The following SERINC5 variants were observed in gnomAD, a reference collection of about 807,000 sequenced individuals.
The protein encoded by SERINC5 is serine incorporator 5, also known as chromosome 5 open reading frame 12.
Under a neutral mutation model 63.1 loss-of-function variants are expected in SERINC5, and 41 were observed. That is an observed-to-expected ratio of 0.65 (90% CI 0.51 to 0.84). SERINC5 has a LOEUF of 0.84. Ranked by LOEUF, SERINC5 falls within the 40% of genes least tolerant of loss-of-function variation. SERINC5 has a pLI of 0.00. For synonymous variants in SERINC5, 222 were observed against 215.2 expected, an observed-to-expected ratio of 1.03 and a Z score of -0.28; for missense variants, 523 against 573.0, an observed-to-expected ratio of 0.91 and a Z score of 0.89.
At chr5:80,174,907 G>T in intron 5 of SERINC5, 47 bp downstream of exon 5, 1 of 1,365,216 alleles carries the variant, frequency 7.3e-7, no homozygotes, top group Non-Finnish European at 1.0e-6. Flanking sequence ...GGTCAAAACT[G>T]GGCAGTTTCT....
chr5:80,211,923 TG>T lies in SERINC5; in HGVS notation c.28-8871del, dbSNP rs1374280403. On this transcript the variant is annotated intron_variant, in intron 1 of 11. Transcript: ENST00000507668. Reference sequence around the variant, plus strand: ...TCTGTCACAAGAATGATCCCAAATGTGGGTCACAGTTTTTAGCTTCAGTGCT... The same window carrying T: ...TCTGTCACAAGAATGATCCCAAATGTGGTCACAGTTTTTAGCTTCAGTGCT... Among the ~76,000 whole-genome samples, 17 of 152,344 alleles carry T rather than the reference TG, an allele frequency of 1.1e-4. 1 individual carries two copies. The East Asian group carries it at 1.4e-3, about 12-fold the overall frequency.
rs1033911311 is a variant in SERINC5 at position 80,143,228 on chromosome 5, G to A, written c.*435C>T. The A allele has an allele frequency of 1.3e-5, 13 of 990,324 alleles. No individual in the cohort carries two copies. In the Admixed American group the frequency reaches 2.4e-4, roughly 18 times the overall value. 61.3% of individuals were successfully genotyped at this position (990,324 alleles called of 1,614,324 possible). A position where few individuals can be genotyped will look rare whatever the true frequency, so the allele number is the denominator to read the frequency against. ...CCCTGGGGACAAGGCTCTAAGAGGC[G>A]GAAGTGAGTGAGAGGGGTCTGGATT... is the stretch of plus-strand genomic sequence containing the variant. On this transcript the variant is annotated 3_prime_UTR_variant, in exon 12 of 12. Coordinates refer to ENST00000507668, the MANE Select transcript of SERINC5 (RefSeq NM_001174072.3).
chr5:80,169,209 C>T lies in SERINC5; in HGVS notation c.763+126G>A, dbSNP rs1747489622. ...AGCCCCACCTTGCCTACTGCTGACACATCCACAGTAAGTTAAGGAATACAC... is the reference window on the plus strand; with the variant it reads ...AGCCCCACCTTGCCTACTGCTGACATATCCACAGTAAGTTAAGGAATACAC... On this transcript the variant is annotated intron_variant, in intron 6 of 11. Transcript: ENST00000507668. 7 of 736,048 alleles carry T rather than the reference C, an allele frequency of 9.5e-6. No individual in the cohort carries two copies. The South Asian group carries it at 1.1e-4, about 12-fold the overall frequency. 45.6% of individuals were successfully genotyped at this position (736,048 alleles called of 1,614,324 possible). A position where few individuals can be genotyped will look rare whatever the true frequency, so the allele number is the denominator to read the frequency against.
Position 80,255,959 on chromosome 5 carries a change from C to A in SERINC5, c.-37G>T, listed in dbSNP as rs1191952518. On this transcript the variant is annotated 5_prime_UTR_variant, in exon 1 of 12. Transcript: ENST00000507668. ...ATGCCGAAGGCGCGCTCGCTGGCTC[C>A]CCGCGCCGCACGGGCCCTCCTGGCT... 6.6e-7 allele frequency: 1 copy of A among 1,513,740 alleles called. No individual in the cohort carries two copies. The highest frequency in any genetic ancestry group is 2.1e-5 in the Admixed American group (1 of 47,908). 93.8% of individuals were successfully genotyped at this position (1,513,740 alleles called of 1,614,324 possible). A position where few individuals can be genotyped will look rare whatever the true frequency, so the allele number is the denominator to read the frequency against.
rs1160922049 is a variant in SERINC5 at position 80,140,053 on chromosome 5, C to T, written c.*3610G>A. 2 of 984,900 alleles carry T rather than the reference C, an allele frequency of 2.0e-6. No homozygotes were observed. Among genetic ancestry groups the T allele is most frequent in the African/African-American group, 1.7e-5 (1 of 57,148 alleles). 61.0% of individuals were successfully genotyped at this position (984,900 alleles called of 1,614,324 possible). Reference sequence around the variant, plus strand: ...TCTTAAAAAGGCAGAGGGTAGGCTGCGTGCAGTGGTTTACGCCTATAATCC... The same window carrying T: ...TCTTAAAAAGGCAGAGGGTAGGCTGTGTGCAGTGGTTTACGCCTATAATCC... On this transcript the variant is annotated 3_prime_UTR_variant, in exon 12 of 12. Coordinates refer to ENST00000507668, the MANE Select transcript of SERINC5 (RefSeq NM_001174072.3).
At chr5:80,159,133 C>G (rs1334974204) in intron 7 of SERINC5, among the ~76,000 whole-genome samples, 171 bp from the exon 8 acceptor site, 1 of 152,216 alleles carries the variant, frequency 6.6e-6, no homozygotes, top group African/African-American at 2.4e-5. Context: ...GACTGGATTT[C>G]TGCTCTTTCA....
chr5:80,251,149 C>G (rs184775661), intron 1 of SERINC5, among the ~76,000 whole-genome samples: 72 of 152,184 alleles, frequency 4.7e-4, no homozygotes, highest in African/African-American at 1.6e-3. Context: ...CATGGTAGAA[C>G]GCACCTGTAG....
chr5:80,189,099 G>A (rs996930731), intron 2 of SERINC5, among the ~76,000 whole-genome samples: 2 of 152,110 alleles, frequency 1.3e-5, no homozygotes, highest in African/African-American at 2.4e-5. Context: ...AAAGTGTTGA[G>A]AAGGACAGAA....
chr5:80,146,619 A>G (rs1745843928), intron 10 of SERINC5, among the ~76,000 whole-genome samples: 1 of 151,960 alleles, frequency 6.6e-6, no homozygotes, highest in Non-Finnish European at 1.5e-5. Context: ...CGCCCGGCTA[A>G]TTTTGTATTG....
chr5:80,136,872 G>A (rs868220309), downstream of SERINC5, among the ~76,000 whole-genome samples: 849 of 151,836 alleles, frequency 5.6e-3, 11 homozygotes, highest in African/African-American at 0.019. Context: ...GCAGTGGCTC[G>A]CGCCTGTAAT....
At chr5:80,217,519 C>T (rs1488138331) in intron 1 of SERINC5, among the ~76,000 whole-genome samples, 2 of 152,206 alleles carry the variant, frequency 1.3e-5, no homozygotes, top group Admixed American at 1.3e-4. Context: ...TGCAGAGGAC[C>T]TTAGAACTCA....
At chr5:80,197,646 T>C (rs1462302217) in intron 2 of SERINC5, among the ~76,000 whole-genome samples, 1 of 152,162 alleles carries the variant, frequency 6.6e-6, no homozygotes. Flanking sequence ...CCTTCTTCAG[T>C]ACAGGTTTTA....
rs773482562 is a variant in SERINC5 at position 80,169,512 on chromosome 5, C to G, written c.586G>C (p.Ala196Pro). 2.5e-6 allele frequency: 4 copies of G among 1,613,746 alleles called. No homozygotes were observed. In the South Asian group the frequency reaches 4.4e-5, roughly 18 times the overall value. The part of the protein sequence containing the change: ...AGTASNKLWY[A>P]SLALVTLIMY... The stretch of plus-strand genomic sequence containing the variant: ...ATGAGCGTCACCAGGGCCAGGGAGG[C>G]GTACCACAGCTTGTTACTGGCTGTG... The change falls in exon 6 of 12, where the codon GCC (alanine) becomes CCC (proline). Residue 196 changes from alanine (A) to proline (P), a missense_variant. Coordinates refer to ENST00000507668, the MANE Select transcript of SERINC5 (RefSeq NM_001174072.3).
chr5:80,179,157 G>A (rs4704621), intron 2 of SERINC5, among the ~76,000 whole-genome samples: 2,325 of 152,112 alleles, frequency 0.015, 70 homozygotes, highest in East Asian at 0.071. Context: ...TAATGAGCCC[G>A]GTGTGGTGGC....
At chr5:80,132,540 G>C (rs1744988703) in intron 11 of SERINC5, among the ~76,000 whole-genome samples, 1 of 151,752 alleles carries the variant, frequency 6.6e-6, no homozygotes, top group Non-Finnish European at 1.5e-5. Flanking sequence ...TGCTTCCCAG[G>C]TTGCAATCCT....
chr5:80,159,432 G>A (rs1746747513), intron 7 of SERINC5, among the ~76,000 whole-genome samples: 1 of 151,990 alleles, frequency 6.6e-6, no homozygotes, highest in African/African-American at 2.4e-5. Flanking sequence ...AACTCCTGAG[G>A]TGTGTTTTTT....
chr5:80,185,254 A>T (rs1405097751), intron 2 of SERINC5, among the ~76,000 whole-genome samples: 1 of 152,118 alleles, frequency 6.6e-6, no homozygotes, highest in Non-Finnish European at 1.5e-5. Context: ...AAAGCCACAA[A>T]CTATCAAGTA....
intron 1 of SERINC5, among the ~76,000 whole-genome samples, chr5:80,212,476 G>T (rs1390598085): frequency 6.6e-6 from 1 of 152,102 alleles, no homozygotes; most frequent in Non-Finnish European, 1.5e-5. Flanking sequence ...AAGCTTTAGG[G>T]TTACCTTTGA....
At chr5:80,146,954 A>T (rs1745865041) in intron 10 of SERINC5, among the ~76,000 whole-genome samples, 1 of 152,168 alleles carries the variant, frequency 6.6e-6, no homozygotes, top group Admixed American at 6.5e-5. Context: ...TATTTTCCAA[A>T]TCACTCCTTT....
Sources: allele counts gnomAD v4.1 joint callset (sites outside exome capture counted in the v4.1 genomes callset), GRCh38; gene constraint gnomAD v4.1.1; transcripts MANE v1.5; gene names NCBI Gene and HGNC (gene_info 2026-07-23, HGNC 2026-07-21).